ACAP2: variants seen among roughly 807,000 people sequenced by gnomAD.
The protein encoded by ACAP2 is ArfGAP with coiled-coil, ankyrin repeat and PH domains 2, also known as arf-GAP with coiled-coil, ANK repeat and PH domain-containing protein 2.
In ACAP2, 39 loss-of-function variants were observed where a neutral mutation model predicts 115.8. That is an observed-to-expected ratio of 0.34 (90% CI 0.26 to 0.44). The LOEUF is 0.44. Ranked by LOEUF, ACAP2 falls within the 20% of genes least tolerant of loss-of-function variation. The pLI, the probability that ACAP2 is intolerant of heterozygous loss-of-function variation, is 1.00. For missense variants in ACAP2, 662 were observed against 927.6 expected, an observed-to-expected ratio of 0.71 and a Z score of 3.72; for synonymous variants, 289 against 315.8, an observed-to-expected ratio of 0.92 and a Z score of 0.90.
chr3:195,336,713 T>C (rs1560257784), intron 7 of ACAP2: 2 of 538,896 alleles, frequency 3.7e-6, no homozygotes, highest in East Asian at 3.4e-5. Flanking sequence ...TCTACCTTTA[T>C]GGACCTCACA....
At chr3:195,399,156 G>A (rs922605799) in intron 1 of ACAP2, among the ~76,000 whole-genome samples, 4 of 151,860 alleles carry the variant, frequency 2.6e-5, no homozygotes, top group African/African-American at 4.8e-5. Flanking sequence ...AAGAGTTAAG[G>A]GAGGAAAAAA....
intron 20 of ACAP2, 63 bp from the exon 21 acceptor site, chr3:195,289,294 T>TA (rs200221117): frequency 0.056 from 45,252 of 813,934 alleles, 9 homozygotes; most frequent in East Asian, 0.093. Context: ...GTATTCACCT[T>TA]AAAAAAAAAA....
At chr3:195,353,857 G>A (rs1347566139) in intron 4 of ACAP2, among the ~76,000 whole-genome samples, 1 of 152,120 alleles carries the variant, frequency 6.6e-6, no homozygotes, top group Admixed American at 6.6e-5. Flanking sequence ...AGGTTCAGGG[G>A]TGCATGTGCA....
chr3:195,429,624 G>C (rs1364983798), intron 1 of ACAP2, among the ~76,000 whole-genome samples: 1 of 152,176 alleles, frequency 6.6e-6, no homozygotes, highest in Non-Finnish European at 1.5e-5. Flanking sequence ...TATCGTGACA[G>C]AGGTGTAGGT....
At chr3:195,351,048 A>G (rs1282992441) in intron 4 of ACAP2, among the ~76,000 whole-genome samples, 4 of 151,834 alleles carry the variant, frequency 2.6e-5, no homozygotes, top group Non-Finnish European at 1.5e-5. Context: ...AAAATGAAAA[A>G]GGCAAGCCAA....
Position 195,322,287 on chromosome 3 carries a change from T to C in ACAP2, c.745-1474A>G, listed in dbSNP as rs1399078944. On this transcript the variant is annotated intron_variant, in intron 9 of 22. Transcript: ENST00000326793. ...ATTCCTCCTGGACCAATAATTAAAA[T>C]TAGAATTCTACCCTATTAAGGAGCA... is the stretch of plus-strand genomic sequence containing the variant. Among the ~76,000 whole-genome samples the C allele has an allele frequency of 2.0e-5, 3 of 152,134 alleles. 1 individual carries two copies. Among genetic ancestry groups the C allele is most frequent in the Admixed American group, 1.3e-4 (2 of 15,262 alleles).
At chr3:195,401,668 A>T (rs191039336) in intron 1 of ACAP2, among the ~76,000 whole-genome samples, 2 of 152,320 alleles carry the variant, frequency 1.3e-5, no homozygotes, top group African/African-American at 4.8e-5. Flanking sequence ...TGTATCCAAA[A>T]CAAAGAGAGA....
chr3:195,306,474 C>T, intron 13 of ACAP2, 37 bp downstream of exon 13: 3 of 1,396,906 alleles, frequency 2.1e-6, no homozygotes, highest in Non-Finnish European at 2.9e-6. Flanking sequence ...AGAATTTTGG[C>T]AATATATTAT....
intron 1 of ACAP2, among the ~76,000 whole-genome samples, chr3:195,428,862 G>A (rs1469774910): frequency 6.6e-6 from 1 of 152,090 alleles, no homozygotes; most frequent in East Asian, 1.9e-4. Flanking sequence ...CAATCGCTTT[G>A]GAATAATGCT....
At chr3:195,306,849 A>AT (rs1051277959) in intron 12 of ACAP2, 56 of 242,088 alleles carry the variant, frequency 2.3e-4, no homozygotes, top group Admixed American at 3.4e-4. Context: ...ATCACTGAAT[A>AT]TTTAAAAAAA....
chr3:195,435,832 T>C (rs1715493197), intron 1 of ACAP2, among the ~76,000 whole-genome samples: 1 of 152,202 alleles, frequency 6.6e-6, no homozygotes, highest in Admixed American at 6.5e-5. Context: ...GCTGCTGCTG[T>C]ATGAAGTGTT....
chr3:195,401,239 A>G (rs1361471607), intron 1 of ACAP2, among the ~76,000 whole-genome samples: 1 of 152,176 alleles, frequency 6.6e-6, no homozygotes, highest in Non-Finnish European at 1.5e-5. Context: ...AATCACATCT[A>G]TAACTTTCCC....
intron 4 of ACAP2, among the ~76,000 whole-genome samples, chr3:195,349,003 G>A (rs142762615): frequency 1.3e-5 from 2 of 152,010 alleles, no homozygotes; most frequent in African/African-American, 4.8e-5. Context: ...TAGAAAGGAA[G>A]AATATAAAAT....
rs1577260797 is a variant in ACAP2 at position 195,301,582 on chromosome 3, A to C, written c.1388T>G (p.Leu463Arg). Residue 463 changes from leucine to arginine, a missense_variant, in exon 15 of 23, where the codon CTT becomes CGT. By Grantham distance (102) the Leu-to-Arg change is moderately radical (BLOSUM62 -2). Around this residue, in one of 3 missense-constraint regions of ACAP2, gnomAD observed 401 missense variants for 604.4 expected, o/e 0.66. Coordinates refer to ENST00000326793, the MANE Select transcript of ACAP2 (RefSeq NM_012287.6). ...SLTLDTWEPE[L>R]LKLMCELGND... ...AGCAAAAATTTTTTTTACCTTTAAA[A>C]GTTCTGGCTCCCAGGTGTCTAAAGT... 1 of 1,607,812 alleles carries C rather than the reference A, an allele frequency of 6.2e-7. No homozygotes were observed. The highest frequency in any genetic ancestry group is 8.5e-7 in the Non-Finnish European group (1 of 1,178,348).
intron 4 of ACAP2, among the ~76,000 whole-genome samples, chr3:195,347,631 C>T (rs1731268663): frequency 1.3e-5 from 2 of 152,194 alleles, no homozygotes; most frequent in African/African-American, 4.8e-5. Flanking sequence ...ATTTGACTTA[C>T]ATAAGTGGAT....
chr3:195,301,130 G>C (rs1280849111), intron 15 of ACAP2, among the ~76,000 whole-genome samples: 5 of 150,864 alleles, frequency 3.3e-5, no homozygotes, highest in Non-Finnish European at 7.4e-5. Context: ...CTGTTACCCA[G>C]GCTGGAGTGC....
chr3:195,342,699 TAAAA>T, intron 5 of ACAP2, 45 bp from the exon 6 acceptor site: 1 of 1,514,686 alleles, frequency 6.6e-7, no homozygotes, highest in Non-Finnish European at 8.8e-7. Flanking sequence ...CTTGCTTCAT[TAAAA>T]AACTTTAGCA....
intron 10 of ACAP2, among the ~76,000 whole-genome samples, chr3:195,315,101 A>AG (rs1729003476): frequency 6.6e-6 from 1 of 152,200 alleles, no homozygotes; most frequent in African/African-American, 2.4e-5. Flanking sequence ...CTGCAGCCTC[A>AG]ATCTCTTGGT....
At chr3:195,341,331 T>TG (rs1730858403) in intron 6 of ACAP2, among the ~76,000 whole-genome samples, 1 of 141,844 alleles carries the variant, frequency 7.1e-6, no homozygotes, top group Non-Finnish European at 1.5e-5. Flanking sequence ...GTTTTTTTTT[T>TG]TTTTTTTTTT....
Sources: allele counts gnomAD v4.1 joint callset (sites outside exome capture counted in the v4.1 genomes callset), GRCh38; gene constraint gnomAD v4.1.1; regional missense constraint gnomAD v4.1.1; transcripts MANE v1.5; gene names NCBI Gene and HGNC (gene_info 2026-07-23, HGNC 2026-07-21).